ARPP21: variants seen among roughly 807,000 people sequenced by gnomAD.
The protein encoded by ARPP21 is cAMP regulated phosphoprotein 21, also known as cAMP-regulated phosphoprotein 21.
Under a neutral mutation model 113.2 loss-of-function variants are expected in ARPP21, and 69 were observed. The ratio of observed to expected loss-of-function variants is 0.61; its 90% CI spans 0.50 to 0.74. The LOEUF (loss-of-function observed/expected upper bound fraction) is 0.74, where lower values mean the gene tolerates loss of function less well. Among genes scored for constraint, ARPP21 ranks in the 30% least tolerant of loss-of-function variants. ARPP21 has a pLI of 0.00. For missense variants in ARPP21, 1,070 were observed against 1,037.4 expected, an observed-to-expected ratio of 1.03 and a Z score of -0.43; for synonymous variants, 368 against 375.5, an observed-to-expected ratio of 0.98 and a Z score of 0.23.
At chr3:35,715,184 T>A in intron 11 of ARPP21, 1 of 361,198 alleles carries the variant, frequency 2.8e-6, no homozygotes, top group Non-Finnish European at 5.1e-6. Flanking sequence ...TTTCTCTTCT[T>A]CTGACCTCCA....
chr3:35,733,021 AATCTCTT>A (rs1342665967), intron 15 of ARPP21, among the ~76,000 whole-genome samples: 1 of 152,156 alleles, frequency 6.6e-6, no homozygotes, highest in African/African-American at 2.4e-5. Flanking sequence ...AGGAAAAGAA[AATCTCTT>A]TCTCTCACCC....
intron 11 of ARPP21, chr3:35,715,180 T>C (rs541615174): frequency 4.3e-5 from 15 of 348,996 alleles, no homozygotes; most frequent in African/African-American, 3.1e-4. Flanking sequence ...CACATTTCTC[T>C]TCTTCTGACC....
At chr3:35,696,392 G>A (rs776921311) in intron 9 of ARPP21, among the ~76,000 whole-genome samples, 17 of 151,532 alleles carry the variant, frequency 1.1e-4, no homozygotes, top group Non-Finnish European at 2.2e-4. Context: ...GGTGCTCAGA[G>A]CCAACCAGAG....
rs1025949136 is a variant in ARPP21 at position 35,689,964 on chromosome 3, G to T, written c.486-117G>T. The T allele has an allele frequency of 7.0e-5, 43 of 617,278 alleles. No individual in the cohort carries two copies. In the African/African-American group the frequency reaches 7.2e-4, roughly 10 times the overall value. The allele number at this position is 617,278 out of a possible 1,614,324, so 38.2% of individuals were successfully genotyped here. ...TCAGCATATTCCAAAGAAGAGTTAG[G>T]TATAAGTTTGTAGCAGCATACATTT... is the stretch of plus-strand genomic sequence containing the variant. On this transcript the variant is annotated intron_variant, in intron 7 of 20. Transcript: ENST00000684406.
intron 19 of ARPP21, among the ~76,000 whole-genome samples, chr3:35,758,196 G>A (rs781698897): frequency 6.6e-6 from 1 of 151,936 alleles, no homozygotes; most frequent in Non-Finnish European, 1.5e-5. Context: ...GCAGTGTCTT[G>A]TAGAGAAACA....
chr3:35,776,085 C>T (rs139993580), intron 19 of ARPP21, among the ~76,000 whole-genome samples: 60 of 152,030 alleles, frequency 3.9e-4, no homozygotes, highest in African/African-American at 1.3e-3. Flanking sequence ...CATATTTTTA[C>T]ATAAATAGAA....
chr3:35,732,284 A>G (rs2094036886), intron 15 of ARPP21, among the ~76,000 whole-genome samples: 1 of 152,228 alleles, frequency 6.6e-6, no homozygotes, highest in Non-Finnish European at 1.5e-5. Context: ...AGTACTAAAT[A>G]TTTGGCACAC....
intron 19 of ARPP21, among the ~76,000 whole-genome samples, chr3:35,769,544 G>A (rs1371664309): frequency 6.6e-6 from 1 of 152,112 alleles, no homozygotes; most frequent in Non-Finnish European, 1.5e-5. Flanking sequence ...TCAAAACACT[G>A]CTTCATTTAA....
At chr3:35,680,912 A>G (rs2078708308) in intron 2 of ARPP21, 1 of 151,838 alleles carries the variant, frequency 6.6e-6, no homozygotes, top group Admixed American at 6.6e-5. Context: ...CAGGGGTTTT[A>G]TAAAGGTAGG....
chr3:35,717,038 C>A (rs2092504644), intron 12 of ARPP21, among the ~76,000 whole-genome samples: 1 of 151,904 alleles, frequency 6.6e-6, no homozygotes, highest in African/African-American at 2.4e-5. Context: ...ATACCTATAT[C>A]AATCTCTTTT....
At chr3:35,646,152 T>G (rs1185600897) in intron 1 of ARPP21, among the ~76,000 whole-genome samples, 1 of 152,024 alleles carries the variant, frequency 6.6e-6, no homozygotes, top group Non-Finnish European at 1.5e-5. Context: ...AGGAAGAGCA[T>G]GTCAACTCAC....
chr3:35,741,208 C>A (rs576493504), intron 18 of ARPP21, among the ~76,000 whole-genome samples: 1 of 152,324 alleles, frequency 6.6e-6, no homozygotes, highest in South Asian at 2.1e-4. Context: ...AAAAGCAATT[C>A]ATAACCCCTC....
chr3:35,648,460 A>G (rs889080166), intron 1 of ARPP21, among the ~76,000 whole-genome samples: 2 of 152,180 alleles, frequency 1.3e-5, no homozygotes, highest in Non-Finnish European at 2.9e-5. Flanking sequence ...ACATTTTTCT[A>G]TTCTGCAACA....
intron 1 of ARPP21, among the ~76,000 whole-genome samples, chr3:35,671,550 A>G (rs1451498341): frequency 6.6e-6 from 1 of 152,256 alleles, no homozygotes; most frequent in Non-Finnish European, 1.5e-5. Flanking sequence ...AGGAAGAAAC[A>G]AAACAGGGAG....
rs1254412181 is a variant in ARPP21, at chr3:35,743,828, T to G, written c.2011-11T>G. 6.2e-7 allele frequency: 1 copy of G among 1,612,632 alleles called. No individual in the cohort carries two copies. Among genetic ancestry groups the G allele is most frequent in the African/African-American group, 1.3e-5 (1 of 74,910 alleles). Reference sequence around the variant, plus strand: ...TTTCATTCTCTGCTTTCTTCCTCCTTTCTTCCACAGATGCCTGTATATTAT... The same window carrying G: ...TTTCATTCTCTGCTTTCTTCCTCCTGTCTTCCACAGATGCCTGTATATTAT... On this transcript the variant is annotated splice_polypyrimidine_tract_variant and intron_variant, in intron 18 of 20. Transcript: ENST00000684406.
At chr3:35,791,565 G>C (rs1405102119) in intron 19 of ARPP21, among the ~76,000 whole-genome samples, 1 of 151,990 alleles carries the variant, frequency 6.6e-6, no homozygotes, top group Non-Finnish European at 1.5e-5. Context: ...ACCACTCATT[G>C]AAGTGAGGAT....
chr3:35,740,709 C>T (rs988513428), intron 18 of ARPP21, among the ~76,000 whole-genome samples: 2 of 151,944 alleles, frequency 1.3e-5, no homozygotes, highest in African/African-American at 4.8e-5. Flanking sequence ...GCTCTTTTGG[C>T]CTAAAAAGCG....
intron 19 of ARPP21, among the ~76,000 whole-genome samples, chr3:35,776,941 C>T (rs1306596128): frequency 6.6e-6 from 1 of 152,140 alleles, no homozygotes; most frequent in Non-Finnish European, 1.5e-5. Context: ...ATTTTCAGAG[C>T]TGCTTCTGCC....
At chr3:35,741,413 G>C (rs1287804457) in intron 18 of ARPP21, among the ~76,000 whole-genome samples, 1 of 152,150 alleles carries the variant, frequency 6.6e-6, no homozygotes, top group Non-Finnish European at 1.5e-5. Context: ...TTTAAAATCT[G>C]ATTACCCAAC....
Sources: allele counts gnomAD v4.1 joint callset (sites outside exome capture counted in the v4.1 genomes callset), GRCh38; gene constraint gnomAD v4.1.1; transcripts MANE v1.5; gene names NCBI Gene and HGNC (gene_info 2026-07-23, HGNC 2026-07-21).